Variants in SIMC1 observed in about 807,000 individuals in gnomAD.
The protein encoded by SIMC1 is SUMO interacting motifs containing 1.
SIMC1 carries 55 observed loss-of-function variants against 82.3 expected under a neutral mutation model. The observed-to-expected ratio is 0.67, with a 90% CI of 0.54 to 0.84. The LOEUF is 0.84. Ranked by LOEUF, SIMC1 falls within the 40% of genes least tolerant of loss-of-function variation. SIMC1 has a pLI of 0.00. For synonymous variants in SIMC1, 353 were observed against 426.3 expected, an observed-to-expected ratio of 0.83 and a Z score of 2.12; for missense variants, 915 against 1,107.2, an observed-to-expected ratio of 0.83 and a Z score of 2.46.
intron 1 of SIMC1, among the ~76,000 whole-genome samples, chr5:176,274,900 T>G (rs754449066): frequency 1.6e-4 from 25 of 151,886 alleles, no homozygotes; most frequent in Non-Finnish European, 3.1e-4. Flanking sequence ...TAGTTTGAAG[T>G]CAGGTAGCGT....
Position 176,313,558 on chromosome 5 carries a change from G to A in SIMC1, c.1735-133G>A, listed in dbSNP as rs1764764305. The stretch of plus-strand genomic sequence containing the variant: ...CCAGACTACCTGCCCTCTCCTAGGA[G>A]CCTCTCTTTTAAGCACAGGCATACT... On this transcript the variant is annotated intron_variant, in intron 4 of 9. Coordinates refer to ENST00000429602, the MANE Select transcript of SIMC1 (RefSeq NM_001308195.2). 19 of 1,552,050 alleles carry A rather than the reference G, an allele frequency of 1.2e-5. No individual in the cohort carries two copies. In the South Asian group the frequency reaches 1.9e-4, roughly 15 times the overall value.
intron 4 of SIMC1, among the ~76,000 whole-genome samples, chr5:176,304,850 A>C (rs1764222261): frequency 6.8e-6 from 1 of 147,976 alleles, no homozygotes. Context: ...CCCATCTGGG[A>C]TGTGAGGAGC....
rs139994811 is a variant in SIMC1 at position 176,295,070 on chromosome 5, T to A, written c.1472T>A (p.Leu491Gln). The A allele has an allele frequency of 6.2e-7, 1 of 1,611,794 alleles. No individual in the cohort carries two copies. Among genetic ancestry groups the A allele is most frequent in the Non-Finnish European group, 8.5e-7 (1 of 1,178,968 alleles). The change falls in exon 3 of 10, where the codon CTA becomes CAA. Residue 491 changes from leucine (L) to glutamine (Q), a missense_variant. Coordinates refer to ENST00000429602, the MANE Select transcript of SIMC1 (RefSeq NM_001308195.2). The part of the protein sequence containing the change: ...QKLEPIPHRR[L>Q]RMVTNTIEEN... Reference sequence around the variant, plus strand: ...TTAGAACCCATCCCTCATCGAAGACTAAGAATGGTAACAAATACCATTGAA... The same window carrying A: ...TTAGAACCCATCCCTCATCGAAGACAAAGAATGGTAACAAATACCATTGAA...
At chr5:176,324,481 G>A (rs1259140633) in intron 6 of SIMC1, 148 bp from the exon 7 acceptor site, 1 of 681,124 alleles carries the variant, frequency 1.5e-6, no homozygotes, top group Non-Finnish European at 2.2e-6. Flanking sequence ...CTGATGGTTT[G>A]AGTAGTTCTC....
At chr5:176,263,047 T>A (rs1417633768) in intron 1 of SIMC1, among the ~76,000 whole-genome samples, 1 of 151,906 alleles carries the variant, frequency 6.6e-6, no homozygotes, top group Non-Finnish European at 1.5e-5. Flanking sequence ...TACATTTACA[T>A]TAGCACTCCC....
intron 1 of SIMC1, among the ~76,000 whole-genome samples, chr5:176,288,179 C>T (rs56341783): frequency 6.6e-6 from 1 of 152,026 alleles, no homozygotes; most frequent in South Asian, 2.1e-4. Flanking sequence ...AGGCCAAAGC[C>T]GGGGAATCAC....
At chr5:176,281,714 G>C (rs1347366651) in intron 1 of SIMC1, among the ~76,000 whole-genome samples, 1 of 152,202 alleles carries the variant, frequency 6.6e-6, no homozygotes, top group Non-Finnish European at 1.5e-5. Context: ...GTTTGCCTGG[G>C]TATCAGCAGC....
chr5:176,299,894 A>T (rs1763973083), intron 4 of SIMC1, among the ~76,000 whole-genome samples: 1 of 152,222 alleles, frequency 6.6e-6, no homozygotes, highest in Non-Finnish European at 1.5e-5. Context: ...CAAGACTTAA[A>T]CAAAATGTAA....
Position 176,286,230 on chromosome 5 carries a change from C to T in SIMC1, c.130-3424C>T, listed in dbSNP as rs540090566. ...CTGGAGGCATCATGCTACCTGACTT[C>T]AAGCTATACTACAAGGCTACAGTAA... On this transcript the variant is annotated intron_variant, in intron 1 of 9. Coordinates refer to ENST00000429602, the MANE Select transcript of SIMC1 (RefSeq NM_001308195.2). Among the ~76,000 whole-genome samples, 25 of 152,400 alleles carry T rather than the reference C, an allele frequency of 1.6e-4. No individual in the cohort carries two copies. In the East Asian group the frequency reaches 4.8e-3, roughly 29 times the overall value.
intron 1 of SIMC1, among the ~76,000 whole-genome samples, chr5:176,255,178 A>T (rs1282494430): frequency 2.6e-5 from 4 of 152,012 alleles, no homozygotes; most frequent in Non-Finnish European, 5.9e-5. Context: ...CCAGAGGCTG[A>T]GGTTGCAGTG....
In SIMC1 at chr5:176,335,361, C is replaced by T. The variant is rs1007440011; in HGVS notation, c.2172-1359C>T. On this transcript the variant is annotated intron_variant, in intron 7 of 9. Coordinates refer to ENST00000429602, the MANE Select transcript of SIMC1 (RefSeq NM_001308195.2). Reference sequence around the variant, plus strand: ...GTGCAGTCTTGGCTCACTGCAACCTCGGCCTCCCAGGTTCAAGCGATTCTC... The same window carrying T: ...GTGCAGTCTTGGCTCACTGCAACCTTGGCCTCCCAGGTTCAAGCGATTCTC... 2.0e-5 allele frequency among the ~76,000 whole-genome samples: 3 copies of T among 149,454 alleles called. No individual in the cohort carries two copies. The South Asian group carries it at 6.3e-4, about 32-fold the overall frequency.
chr5:176,339,511 G>A (rs1316149833), intron 9 of SIMC1, among the ~76,000 whole-genome samples: 2 of 152,110 alleles, frequency 1.3e-5, no homozygotes, highest in African/African-American at 4.8e-5. Context: ...CCTCAGTGAG[G>A]CTTATGTAAT....
chr5:176,253,750 G>T (rs1215540733), intron 1 of SIMC1, among the ~76,000 whole-genome samples: 5 of 152,024 alleles, frequency 3.3e-5, no homozygotes, highest in African/African-American at 4.8e-5. Context: ...CAAAGTGCTG[G>T]GCCAGCATTA....
intron 5 of SIMC1, among the ~76,000 whole-genome samples, chr5:176,317,961 G>A (rs758889695): frequency 2.0e-5 from 3 of 152,082 alleles, no homozygotes; most frequent in Non-Finnish European, 2.9e-5. Context: ...GAGCAGGCCC[G>A]AGCAAGCAAC....
Position 176,246,171 on chromosome 5 carries a change from G to C in SIMC1, c.129+7534G>C, listed in dbSNP as rs564006947. 4.0e-5 allele frequency among the ~76,000 whole-genome samples: 6 copies of C among 150,982 alleles called. No individual in the cohort carries two copies. In the South Asian group the frequency reaches 1.3e-3, roughly 32 times the overall value. The stretch of plus-strand genomic sequence containing the variant: ...ATTACAGGCATGTGCCACTACACCT[G>C]GCTAATTTTTTTGTATTTTTCGTAG... On this transcript the variant is annotated intron_variant, in intron 1 of 9. Coordinates refer to ENST00000429602, the MANE Select transcript of SIMC1 (RefSeq NM_001308195.2).
intron 4 of SIMC1, among the ~76,000 whole-genome samples, chr5:176,306,000 G>T (rs1389416908): frequency 3.2e-5 from 2 of 61,586 alleles, no homozygotes; most frequent in African/African-American, 1.3e-4. Flanking sequence ...TCAGCCCCCC[G>T]CCCGGCCAGC....
intron 3 of SIMC1, 101 bp from the exon 4 acceptor site, chr5:176,296,150 A>G (rs1763804371): frequency 2.5e-6 from 4 of 1,587,234 alleles, no homozygotes; most frequent in Admixed American, 3.6e-5. Flanking sequence ...ATGGAGGATA[A>G]TGGAGGATAG....
intron 1 of SIMC1, among the ~76,000 whole-genome samples, chr5:176,259,769 T>C (rs1231299116): frequency 6.6e-6 from 1 of 151,014 alleles, no homozygotes. Flanking sequence ...CAAGACTCTA[T>C]CTCAAAAATA....
intron 7 of SIMC1, among the ~76,000 whole-genome samples, chr5:176,326,844 C>T (rs894620771): frequency 2.6e-4 from 39 of 152,178 alleles, no homozygotes; most frequent in African/African-American, 9.2e-4. Context: ...GGATTACAGG[C>T]GTAAACCACC....
Sources: allele counts gnomAD v4.1 joint callset (sites outside exome capture counted in the v4.1 genomes callset), GRCh38; gene constraint gnomAD v4.1.1; transcripts MANE v1.5; gene names NCBI Gene and HGNC (gene_info 2026-07-23, HGNC 2026-07-21).